Variants in FRMD3 observed in about 807,000 individuals in gnomAD.
The protein encoded by FRMD3 is FERM domain-containing protein 3.
In FRMD3, 33 loss-of-function variants were observed where a neutral mutation model predicts 70.2. That is an observed-to-expected ratio of 0.47 (90% confidence interval 0.36 to 0.63). The LOEUF is 0.63. Ranked by LOEUF, FRMD3 falls within the 20% of genes least tolerant of loss-of-function variation. The pLI, the probability that FRMD3 is intolerant of heterozygous loss-of-function variation, is 0.00. For missense variants in FRMD3, 632 were observed against 711.4 expected, an observed-to-expected ratio of 0.89 and a Z score of 1.27; for synonymous variants, 279 against 255.9, an observed-to-expected ratio of 1.09 and a Z score of -0.86.
chr9:83,247,922 G>A lies in FRMD3; in HGVS notation c.1790C>T (p.Ser597Leu), dbSNP rs1236462620. ...TAGTCACGTGAGAGATTAACTTCAT[G>A]AGCAACCCAGCATGTAGAGGATGAG... Reference protein sequence around the residue: ...VHLILYMLGCS With the variant: ...VHLILYMLGCL The change falls in exon 14 of 14, where the codon TCA becomes TTA. Residue 597 changes from serine (S) to leucine (L), a missense_variant. This residue lies in a region of FRMD3 where 418 missense variants were observed against 442.1 expected (regional missense o/e 0.95). Coordinates refer to ENST00000304195, the MANE Select transcript of FRMD3 (RefSeq NM_174938.6). 1.2e-6 allele frequency: 2 copies of A among 1,613,046 alleles called. No individual in the cohort carries two copies. The highest frequency in any genetic ancestry group is 1.7e-6 in the Non-Finnish European group (2 of 1,179,314).
intron 3 of FRMD3, among the ~76,000 whole-genome samples, chr9:83,365,602 C>G (rs1456015680): frequency 6.6e-6 from 1 of 152,056 alleles, no homozygotes; most frequent in East Asian, 1.9e-4. Context: ...TTTAGGACAC[C>G]ATTTGGATCT....
the FRMD3 span, among the ~76,000 whole-genome samples, chr9:83,552,394 A>G: frequency 6.6e-6 from 1 of 152,170 alleles, no homozygotes; most frequent in Non-Finnish European, 1.5e-5. Context: ...ATGTCCAATT[A>G]TGTGGTCAAT....
At chr9:83,528,407 G>T (rs965369010) in intron 1 of FRMD3, among the ~76,000 whole-genome samples, 9 of 151,816 alleles carry the variant, frequency 5.9e-5, no homozygotes, top group African/African-American at 2.4e-5. Flanking sequence ...ACATCACTTG[G>T]GGCACTTGTA....
At chr9:83,568,951 G>GATACATACATAC in the FRMD3 span, among the ~76,000 whole-genome samples, 987 of 114,420 alleles carry the variant, frequency 8.6e-3, 3 homozygotes, top group Admixed American at 9.9e-3. Context: ...TAGATAGATA[G>GATACATACATAC]ATAGATACAT....
At chr9:83,503,613 A>G (rs887042889) in intron 1 of FRMD3, among the ~76,000 whole-genome samples, 2 of 152,240 alleles carry the variant, frequency 1.3e-5, no homozygotes, top group African/African-American at 4.8e-5. Context: ...TCTAGACACC[A>G]GTCTAGGTCT....
In FRMD3 at chr9:83,343,303, A is replaced by C. The variant is rs1204686677; in HGVS notation, c.375-16T>G. On this transcript the variant is annotated splice_polypyrimidine_tract_variant and intron_variant, in intron 4 of 13. Coordinates refer to ENST00000304195, the MANE Select transcript of FRMD3 (RefSeq NM_174938.6). ...TAAAAGGTATCTGCAATACAAAAGG[A>C]GAAATGGTCACTCTAACTTTTGGCT... 5.8e-6 allele frequency: 9 copies of C among 1,545,152 alleles called. No homozygotes were observed. Among genetic ancestry groups the C allele is most frequent in the Non-Finnish European group, 8.1e-6 (9 of 1,116,992 alleles).
intron 1 of FRMD3, among the ~76,000 whole-genome samples, chr9:83,416,745 G>GTCTGTCTCTCTCTCTC (rs1826454857): frequency 2.4e-4 from 25 of 102,236 alleles, no homozygotes; most frequent in Non-Finnish European, 3.9e-4. Context: ...ATTTCTCTCT[G>GTCTGTCTCTCTCTCTC]TCTCTCTCTC....
intron 3 of FRMD3, among the ~76,000 whole-genome samples, chr9:83,357,611 T>C (rs1048227375): frequency 6.6e-6 from 1 of 152,084 alleles, no homozygotes; most frequent in Admixed American, 6.5e-5. Flanking sequence ...TTTTTAATTA[T>C]GGCCATTCTT....
At position 83,298,384 on chromosome 9, in the gene FRMD3, G is replaced by A. The variant is rs574810362; in HGVS notation, c.1070+364C>T. On this transcript the variant is annotated intron_variant, in intron 12 of 13. Coordinates refer to ENST00000304195, the MANE Select transcript of FRMD3 (RefSeq NM_174938.6). ...AGGTCAGCCCGGAGTCAGGCCAATG[G>A]GAACGGGCCAAATATGATGAATACA... is the stretch of plus-strand genomic sequence containing the variant. Among the ~76,000 whole-genome samples, 5 of 152,306 alleles carry A rather than the reference G, an allele frequency of 3.3e-5. No individual in the cohort carries two copies. The South Asian group carries it at 1.0e-3, about 32-fold the overall frequency.
Position 83,434,370 on chromosome 9 carries a change from T to C in FRMD3, c.148-44662A>G, listed in dbSNP as rs1240370049. Among the ~76,000 whole-genome samples the C allele has an allele frequency of 2.0e-5, 3 of 152,308 alleles. No individual in the cohort carries two copies. The East Asian group carries it at 5.8e-4, about 29-fold the overall frequency. On this transcript the variant is annotated intron_variant, in intron 1 of 13. Transcript: ENST00000304195. The stretch of plus-strand genomic sequence containing the variant: ...ACATCCTGGCCCTGGCCCTTCCTGG[T>C]TGTGTCACCTGGGAAAGGCCACTTG...
rs1487642784 is a variant in FRMD3, at chr9:83,247,837, G to C, written c.*81C>G. 1.3e-6 allele frequency: 2 copies of C among 1,550,092 alleles called. No homozygotes were observed. The highest frequency in any genetic ancestry group is 4.5e-5 in the East Asian group (2 of 44,200). On this transcript the variant is annotated 3_prime_UTR_variant, in exon 14 of 14. Coordinates refer to ENST00000304195, the MANE Select transcript of FRMD3 (RefSeq NM_174938.6). ...AAGGAACACCTGTTGACAGCCCCGTGACCCTTCAGAACCAGGCATTTGCTG... is the reference window on the plus strand; with the variant it reads ...AAGGAACACCTGTTGACAGCCCCGTCACCCTTCAGAACCAGGCATTTGCTG...
intron 1 of FRMD3, among the ~76,000 whole-genome samples, chr9:83,457,707 G>A (rs897517884): frequency 5.9e-5 from 9 of 152,060 alleles, no homozygotes; most frequent in Non-Finnish European, 1.0e-4. Context: ...TTTTATCCGT[G>A]GTTGGTTGGC....
chr9:83,403,443 T>A (rs947033351), intron 1 of FRMD3, among the ~76,000 whole-genome samples: 3 of 152,174 alleles, frequency 2.0e-5, no homozygotes, highest in Non-Finnish European at 4.4e-5. Flanking sequence ...GCTTCTGCAG[T>A]GCTTCAAAGC....
chr9:83,362,990 TCTTCCTTC>T (rs1824658174), intron 3 of FRMD3, among the ~76,000 whole-genome samples: 1 of 147,564 alleles, frequency 6.8e-6, no homozygotes, highest in Non-Finnish European at 1.5e-5. Context: ...TTCCTTCCTT[TCTTCCTTC>T]CTTCTCTACT....
At chr9:83,539,536 C>T (rs1587544483), upstream of FRMD3, among the ~76,000 whole-genome samples, 2 of 152,170 alleles carry the variant, frequency 1.3e-5, no homozygotes, top group African/African-American at 4.8e-5. Flanking sequence ...AAGGTTTGTG[C>T]CTGCATAGAG....
chr9:83,260,881 A>G (rs952826963), intron 13 of FRMD3, among the ~76,000 whole-genome samples: 1 of 152,100 alleles, frequency 6.6e-6, no homozygotes, highest in African/African-American at 2.4e-5. Flanking sequence ...TAATACTTCA[A>G]GCGAAACTCC....
chr9:83,382,923 C>A (rs1825400938), intron 2 of FRMD3, among the ~76,000 whole-genome samples: 1 of 152,142 alleles, frequency 6.6e-6, no homozygotes, highest in South Asian at 2.1e-4. Context: ...TCTCATGCAT[C>A]CCAACTCAAA....
At chr9:83,345,378 C>T (rs192673766) in intron 4 of FRMD3, among the ~76,000 whole-genome samples, 1 of 152,260 alleles carries the variant, frequency 6.6e-6, no homozygotes, top group African/African-American at 2.4e-5. Context: ...CACACTTTAA[C>T]GTGCACATGA....
the FRMD3 span, among the ~76,000 whole-genome samples, chr9:83,555,228 C>T: frequency 3.9e-5 from 6 of 151,990 alleles, no homozygotes; most frequent in Non-Finnish European, 7.4e-5. Flanking sequence ...GGCTAAGTCA[C>T]TCAAACAGCA....
Sources: gnomAD v4.1 joint callset for allele counts (sites outside exome capture counted in the v4.1 genomes callset) on GRCh38, gnomAD v4.1.1 for gene constraint, gnomAD v4.1.1 regional missense constraint, MANE v1.5 for transcripts, NCBI Gene and HGNC (gene_info 2026-07-23, HGNC 2026-07-21) for gene names.